The following MANBA variants were observed in gnomAD, a reference collection of about 807,000 sequenced individuals.
MANBA encodes mannosidase beta, also known as beta-mannosidase.
In MANBA, 83 loss-of-function variants were observed where a neutral mutation model predicts 111.1. That is an observed-to-expected ratio of 0.75 (90% CI 0.63 to 0.90). MANBA has a LOEUF of 0.90. MANBA is among the 40% of genes least tolerant of loss of function. MANBA has a pLI of 0.00. For missense variants in MANBA, 1,036 were observed against 1,069.0 expected (o/e 0.97, Z 0.43); for synonymous variants, 370 against 378.7 (o/e 0.98, Z 0.27).
chr4:102,690,267 C>T (rs1335956527), intron 6 of MANBA, among the ~76,000 whole-genome samples: 1 of 152,004 alleles, frequency 6.6e-6, no homozygotes, highest in Non-Finnish European at 1.5e-5. Context: ...ATAACCACTG[C>T]TATTTAAATA....
In MANBA at chr4:102,760,715, T is replaced by G; in HGVS notation, c.177+3A>C. On this transcript the variant is annotated splice_donor_region_variant and intron_variant, in intron 1 of 16. Coordinates refer to ENST00000647097, the MANE Select transcript of MANBA (RefSeq NM_005908.4). ...CTCGCCGCGGGTCGGCCGCACGCCATACCTGGATCAGGCCCTGCTGGAACA... is the reference window on the plus strand; with the variant it reads ...CTCGCCGCGGGTCGGCCGCACGCCAGACCTGGATCAGGCCCTGCTGGAACA... 6.5e-7 allele frequency: 1 copy of G among 1,533,506 alleles called. No homozygotes were observed. Among genetic ancestry groups the G allele is most frequent in the Non-Finnish European group, 8.8e-7 (1 of 1,136,176 alleles). The allele number at this position is 1,533,506 out of a possible 1,614,324, so 95.0% of individuals were successfully genotyped here.
chr4:102,734,495 G>A, intron 1 of MANBA: 3 of 1,606,162 alleles, frequency 1.9e-6, no homozygotes, highest in Non-Finnish European at 2.6e-6. Flanking sequence ...CCATTCCCAA[G>A]TTCCACGAGG....
chr4:102,687,396 C>A (rs755592722), intron 7 of MANBA, among the ~76,000 whole-genome samples: 9 of 152,212 alleles, frequency 5.9e-5, no homozygotes, highest in Non-Finnish European at 1.3e-4. Flanking sequence ...AGAATCCTGG[C>A]AGCACTCAGG....
chr4:102,743,245 T>C (rs1470108653), intron 1 of MANBA, among the ~76,000 whole-genome samples: 2 of 152,254 alleles, frequency 1.3e-5, no homozygotes, highest in African/African-American at 2.4e-5. Context: ...ATCATGCTTC[T>C]TCCAAGTCAC....
At chr4:102,726,709 G>A in intron 1 of MANBA, 26 bp from the exon 2 acceptor site, 2 of 1,048,382 alleles carry the variant, frequency 1.9e-6, no homozygotes, top group South Asian at 2.6e-5. Flanking sequence ...AAAAATTATG[G>A]TAGATGGTTA....
At chr4:102,653,244 A>G (rs1730418567) in intron 12 of MANBA, among the ~76,000 whole-genome samples, 1 of 147,432 alleles carries the variant, frequency 6.8e-6, no homozygotes, top group Admixed American at 6.7e-5. Context: ...ACACACACAC[A>G]CACACACACA....
At chr4:102,727,468 A>G in intron 1 of MANBA, 6 of 1,493,574 alleles carry the variant, frequency 4.0e-6, no homozygotes, top group Non-Finnish European at 5.6e-6. Context: ...CTCCATCTTC[A>G]AGGTCCAGAT....
intron 11 of MANBA, among the ~76,000 whole-genome samples, chr4:102,658,444 G>T (rs1730675688): frequency 6.6e-6 from 1 of 152,198 alleles, no homozygotes; most frequent in African/African-American, 2.4e-5. Flanking sequence ...AGAAGCTACT[G>T]AGTCAGATGG....
chr4:102,689,723 T>C (rs1268776954), intron 6 of MANBA, 39 bp from the exon 7 acceptor site: 2 of 1,158,926 alleles, frequency 1.7e-6, no homozygotes, highest in Non-Finnish European at 1.3e-6. Context: ...ATATGTCATA[T>C]TTTCAGCAAA....
In MANBA at chr4:102,714,460, G is replaced by A; in HGVS notation, c.651C>T (p.Tyr217=). 1 of 1,606,980 alleles carries A rather than the reference G, an allele frequency of 6.2e-7. No individual in the cohort carries two copies. The highest frequency in any genetic ancestry group is 8.5e-7 in the Non-Finnish European group (1 of 1,173,592). ...IEAYNICHLN[Y]FTFSPIYDKS... ...TACCATATATTGGGGAAAATGTGAA[G>A]TAGTTCAGGTGACAAATATTATAGG... The change falls in exon 5 of 17, where the codon TAC becomes TAT. Residue 217 remains tyrosine, a synonymous_variant. Coordinates refer to ENST00000647097, the MANE Select transcript of MANBA (RefSeq NM_005908.4).
chr4:102,706,229 G>A (rs1733290333), intron 5 of MANBA, among the ~76,000 whole-genome samples: 1 of 152,196 alleles, frequency 6.6e-6, no homozygotes, highest in South Asian at 2.1e-4. Context: ...GCCTGCTGCT[G>A]CCACCAGTGA....
At chr4:102,721,524 G>A (rs963220322) in intron 4 of MANBA, among the ~76,000 whole-genome samples, 2 of 152,066 alleles carry the variant, frequency 1.3e-5, no homozygotes, top group East Asian at 1.9e-4. Flanking sequence ...CAACCTAAAC[G>A]TCCGTCAACA....
At chr4:102,633,593 T>C in intron 16 of MANBA, 1 of 395,872 alleles carries the variant, frequency 2.5e-6, no homozygotes, top group Non-Finnish European at 4.4e-6. Context: ...TACTATCATT[T>C]TATCTCTTTA....
chr4:102,645,780 T>A (rs1215996129), intron 13 of MANBA, among the ~76,000 whole-genome samples: 1 of 152,104 alleles, frequency 6.6e-6, no homozygotes, highest in Non-Finnish European at 1.5e-5. Flanking sequence ...TCTGGGCCAG[T>A]CTAACTAAAG....
rs760282395 is a variant in MANBA at position 102,760,938 on chromosome 4, G to T, written c.-44C>A. Reference sequence around the variant, plus strand: ...CGAGATGTGGAGAGATCGAAAGGCAGCGCTGCAAGGGACCGGCGGTGAAGC... The same window carrying T: ...CGAGATGTGGAGAGATCGAAAGGCATCGCTGCAAGGGACCGGCGGTGAAGC... On this transcript the variant is annotated 5_prime_UTR_variant, in exon 1 of 17. It adds an upstream start codon to the 5' untranslated region. Coordinates refer to ENST00000647097, the MANE Select transcript of MANBA (RefSeq NM_005908.4). The T allele has an allele frequency of 6.6e-7, 1 of 1,525,658 alleles. No homozygotes were observed. Among genetic ancestry groups the T allele is most frequent in the South Asian group, 1.2e-5 (1 of 83,876 alleles). 94.5% of individuals were successfully genotyped at this position (1,525,658 alleles called of 1,614,324 possible). A position where few individuals can be genotyped will look rare whatever the true frequency, so the allele number is the denominator to read the frequency against.
intron 1 of MANBA, chr4:102,727,301 G>T: frequency 1.7e-6 from 1 of 601,418 alleles, no homozygotes; most frequent in South Asian, 1.9e-5. Context: ...GTTTGCTCTG[G>T]GCTTCCGTGC....
intron 1 of MANBA, among the ~76,000 whole-genome samples, chr4:102,735,462 A>G (rs1723184176): frequency 6.7e-6 from 1 of 148,570 alleles, no homozygotes; most frequent in Non-Finnish European, 1.5e-5. Context: ...TGCATGCTGA[A>G]AAAAAAAAAA....
Position 102,689,617 on chromosome 4 carries a change from AG to A in MANBA, c.916del (p.Leu306PhefsTer8), listed in dbSNP as rs1198947705. 1 of 1,610,586 alleles carries A rather than the reference AG, an allele frequency of 6.2e-7. No individual in the cohort carries two copies. The highest frequency in any genetic ancestry group is 1.7e-5 in the Admixed American group (1 of 59,952). On this transcript the variant is annotated frameshift_variant, in exon 7 of 17. Transcript: ENST00000647097. LOFTEE classifies it high-confidence loss of function. ...ATTTAAGCCTCCATCCAGTTCAAAA[AG>A]AACAGTCATGTTGTACCCAGTCTGG... ...GNQTGYNMTV[L>X]FELDGGLNIE...
intron 5 of MANBA, among the ~76,000 whole-genome samples, chr4:102,693,617 G>C (rs1258251977): frequency 2.0e-5 from 3 of 152,100 alleles, no homozygotes; most frequent in African/African-American, 7.2e-5. Context: ...CTCTGCCTAT[G>C]GTATTTTCTT....
Sources: allele counts gnomAD v4.1 joint callset (sites outside exome capture counted in the v4.1 genomes callset), GRCh38; gene constraint gnomAD v4.1.1; transcripts MANE v1.5; gene names NCBI Gene and HGNC (gene_info 2026-07-23, HGNC 2026-07-21).